PHLPP2: variants seen among roughly 807,000 people sequenced by gnomAD.
The protein encoded by PHLPP2 is PH domain and leucine rich repeat protein phosphatase 2.
A neutral mutation model predicts 124.9 loss-of-function variants in PHLPP2; 66 were observed. The ratio of observed to expected loss-of-function variants is 0.53; its 90% CI spans 0.43 to 0.65. The LOEUF (loss-of-function observed/expected upper bound fraction) is 0.65, where lower values mean the gene tolerates loss of function less well. Ranked by LOEUF, PHLPP2 falls within the 30% of genes least tolerant of loss-of-function variation. PHLPP2 has a pLI of 0.00. For missense variants in PHLPP2, 1,685 were observed against 1,600.4 expected (o/e 1.05, Z -0.90); for synonymous variants, 681 against 624.7 (o/e 1.09, Z -1.34).
intron 3 of PHLPP2, among the ~76,000 whole-genome samples, chr16:71,701,778 T>C (rs1483467274): frequency 1.3e-5 from 2 of 152,156 alleles, no homozygotes; most frequent in Admixed American, 6.5e-5. Context: ...AAGTACAAGA[T>C]ATTTTGAGAG....
chr16:71,701,186 C>G (rs2045229092), intron 3 of PHLPP2, among the ~76,000 whole-genome samples: 1 of 152,126 alleles, frequency 6.6e-6, no homozygotes, highest in South Asian at 2.1e-4. Context: ...CCCACAAAAA[C>G]TATATAATTA....
chr16:71,723,866 A>G, intron 1 of PHLPP2: 1 of 1,150,202 alleles, frequency 8.7e-7, no homozygotes, highest in South Asian at 3.3e-5. Context: ...CACCTCCCCC[A>G]TCGGCGACCC....
chr16:71,672,281 T>A lies in PHLPP2; in HGVS notation c.1513A>T (p.Thr505Ser). Residue 505 changes from threonine (T) to serine (S), a missense_variant, in exon 10 of 19, where the codon ACT (threonine) becomes TCT (serine). Physicochemically the swap from Thr to Ser is moderately conservative, Grantham distance 58. Coordinates refer to ENST00000568954, the MANE Select transcript of PHLPP2 (RefSeq NM_015020.3). Reference sequence around the variant, plus strand: ...ACTCACCGGGAGAGATCCAAGAAAGTGAGCAGGCTGGGTACTGGATAGACG... The same window carrying A: ...ACTCACCGGGAGAGATCCAAGAAAGAGAGCAGGCTGGGTACTGGATAGACG... The part of the protein sequence containing the change: ...VNVYPVPSLL[T>S]FLDLSRNLLE... 2 of 1,613,628 alleles carry A rather than the reference T, an allele frequency of 1.2e-6. No homozygotes were observed. The highest frequency in any genetic ancestry group is 1.7e-6 in the Non-Finnish European group (2 of 1,179,610).
At chr16:71,685,794 G>C (rs559107362) in intron 4 of PHLPP2, among the ~76,000 whole-genome samples, 2 of 152,096 alleles carry the variant, frequency 1.3e-5, no homozygotes, top group Non-Finnish European at 2.9e-5. Flanking sequence ...AGACAGATCT[G>C]TAAATCTCTC....
chr16:71,659,333 T>C (rs1046502938), intron 13 of PHLPP2, among the ~76,000 whole-genome samples: 1 of 146,838 alleles, frequency 6.8e-6, no homozygotes, highest in Non-Finnish European at 1.5e-5. Flanking sequence ...CTCACCACAA[T>C]CTCTGCCTCC....
intron 2 of PHLPP2, among the ~76,000 whole-genome samples, chr16:71,708,542 G>A (rs2045300176): frequency 6.6e-6 from 1 of 152,208 alleles, no homozygotes; most frequent in Admixed American, 6.5e-5. Flanking sequence ...CACAAAGCCT[G>A]TTTGGTGGTC....
chr16:71,676,988 C>T (rs2044952525), intron 8 of PHLPP2: 1 of 270,222 alleles, frequency 3.7e-6, no homozygotes, highest in Non-Finnish European at 7.2e-6. Context: ...AGATGATCTG[C>T]CTGCCTCGGC....
intron 6 of PHLPP2, among the ~76,000 whole-genome samples, chr16:71,679,839 T>C (rs536922453): frequency 3.3e-5 from 5 of 152,194 alleles, no homozygotes; most frequent in African/African-American, 4.8e-5. Flanking sequence ...TCCCAGCACT[T>C]TGGAAGGCCG....
At position 71,690,443 on chromosome 16, in the gene PHLPP2, G is replaced by C. The variant is rs538184256; in HGVS notation, c.609+76C>G. The C allele has an allele frequency of 4.0e-6, 4 of 989,776 alleles. No individual in the cohort carries two copies. In the South Asian group the frequency reaches 6.2e-5, roughly 15 times the overall value. The allele number at this position is 989,776 out of a possible 1,614,324, so 61.3% of individuals were successfully genotyped here. ...CTTCTTTGAAAAGATATGACTAAAA[G>C]CTATGAAAAGCATTATGTGATATTT... On this transcript the variant is annotated intron_variant, in intron 4 of 18. Transcript: ENST00000568954.
chr16:71,684,524 G>T lies in PHLPP2; in HGVS notation c.687C>A (p.Ser229Arg). 1.2e-6 allele frequency: 2 copies of T among 1,613,932 alleles called. No homozygotes were observed. The highest frequency in any genetic ancestry group is 1.7e-6 in the Non-Finnish European group (2 of 1,179,960). The change falls in exon 5 of 19, where the codon AGC becomes AGA. Residue 229 changes from serine to arginine, a missense_variant. Transcript: ENST00000568954. ...GCTGGTACTCGGCCAAAGTCTCGAAGCTGACATGATAGGTCTGAGCTTGGG... is the reference window on the plus strand; with the variant it reads ...GCTGGTACTCGGCCAAAGTCTCGAATCTGACATGATAGGTCTGAGCTTGGG... ...AGAQAQTYHV[S>R]FETLAEYQRW...
At position 71,701,242 on chromosome 16, in the gene PHLPP2, A is replaced by T. The variant is rs78797579; in HGVS notation, c.418+1356T>A. Among the ~76,000 whole-genome samples the T allele has an allele frequency of 5.1e-3, 781 of 152,298 alleles. 8 individuals carry two copies. The highest frequency in any genetic ancestry group is 0.018 in the African/African-American group (755 of 41,560). ...GTCCTAACTTTTGAGGCAATTTGTT[A>T]CAGAGCCAACAGATAACTAATTCAT... On this transcript the variant is annotated intron_variant, in intron 3 of 18. Transcript: ENST00000568954.
chr16:71,658,264 C>A lies in PHLPP2; in HGVS notation c.2248G>T (p.Val750Phe), dbSNP rs199635053. 9 of 1,613,922 alleles carry A rather than the reference C, an allele frequency of 5.6e-6. No homozygotes were observed. The African/African-American group carries it at 1.1e-4, about 19-fold the overall frequency. The change falls in exon 15 of 19, where the codon GTT (valine) becomes TTT (phenylalanine). Residue 750 changes from valine (V) to phenylalanine (F), a missense_variant. Physicochemically the swap from Val to Phe is conservative, Grantham distance 50 (BLOSUM62 -1). Transcript: ENST00000568954. Reference sequence around the variant, plus strand: ...ATGTCCAGTGTCTTGTGTTCCAGAACCAGATTTGTATTTCCAGTCAGGTCA... The same window carrying A: ...ATGTCCAGTGTCTTGTGTTCCAGAAACAGATTTGTATTTCCAGTCAGGTCA... ...DLDLTGNTNL[V>F]LEHKTLDIFS...
At chr16:71,716,898 C>T (rs1005632865) in intron 1 of PHLPP2, among the ~76,000 whole-genome samples, 20 of 152,222 alleles carry the variant, frequency 1.3e-4, no homozygotes, top group East Asian at 7.7e-4. Flanking sequence ...ACCTTGAGTA[C>T]ACCTCTAATA....
At chr16:71,719,964 A>ATTT (rs756642820) in intron 1 of PHLPP2, among the ~76,000 whole-genome samples, 1,615 of 53,178 alleles carry the variant, frequency 0.03, 122 homozygotes, top group South Asian at 0.047. Context: ...TGCCCAGCTA[A>ATTT]TTTTTTTTTT....
intron 13 of PHLPP2, 60 bp downstream of exon 13, chr16:71,663,837 TTC>T: frequency 7.7e-7 from 1 of 1,298,256 alleles, no homozygotes; most frequent in Non-Finnish European, 1.1e-6. Context: ...GCTATATTTT[TTC>T]TGACAAATAT....
intron 3 of PHLPP2, among the ~76,000 whole-genome samples, chr16:71,693,030 C>G (rs1849902925): frequency 6.6e-6 from 1 of 152,118 alleles, no homozygotes; most frequent in African/African-American, 2.4e-5. Context: ...GTGGCTTATG[C>G]CTGTAATCCC....
At chr16:71,679,558 G>C (rs745344535) in intron 6 of PHLPP2, 23 bp from the exon 7 acceptor site, 1 of 1,607,462 alleles carries the variant, frequency 6.2e-7, no homozygotes, top group South Asian at 1.1e-5. Flanking sequence ...GGCAAAAATG[G>C]GTATTGCATT....
chr16:71,682,195 T>A (rs1192283743), intron 5 of PHLPP2, among the ~76,000 whole-genome samples: 4 of 151,646 alleles, frequency 2.6e-5, no homozygotes, highest in Admixed American at 6.6e-5. Context: ...AGAAGTAATC[T>A]TTTTTGTTTG....
intron 13 of PHLPP2, among the ~76,000 whole-genome samples, chr16:71,663,310 A>G (rs1210335512): frequency 6.6e-6 from 1 of 152,124 alleles, no homozygotes; most frequent in African/African-American, 2.4e-5. Flanking sequence ...ATGGGGTTTC[A>G]CCATATGGGC....
Sources: allele counts gnomAD v4.1 joint callset (sites outside exome capture counted in the v4.1 genomes callset), GRCh38; gene constraint gnomAD v4.1.1; transcripts MANE v1.5; gene names NCBI Gene and HGNC (gene_info 2026-07-23, HGNC 2026-07-21).